The following ALG6 variants were observed in gnomAD, a reference collection of about 807,000 sequenced individuals.
ALG6 encodes the protein ALG6 alpha-1,3-glucosyltransferase, also known as dolichyl pyrophosphate Man9GlcNAc2 alpha-1,3-glucosyltransferase.
In ALG6, 46 loss-of-function variants were observed where a neutral mutation model predicts 66.6. That is an observed-to-expected ratio of 0.69 (90% confidence interval 0.55 to 0.88). The LOEUF is 0.88. ALG6 is among the 40% of genes least tolerant of loss of function. ALG6 has a pLI of 0.00. For synonymous variants in ALG6, 185 were observed against 203.7 expected, an observed-to-expected ratio of 0.91 and a Z score of 0.78; for missense variants, 505 against 586.8, an observed-to-expected ratio of 0.86 and a Z score of 1.44.
intron 2 of ALG6, among the ~76,000 whole-genome samples, chr1:63,372,763 T>G (rs12090841): frequency 0.025 from 3,775 of 151,920 alleles, 120 homozygotes; most frequent in African/African-American, 0.08. Flanking sequence ...AGTTTCAAGC[T>G]ATTCTCCTGC....
intron 12 of ALG6, among the ~76,000 whole-genome samples, chr1:63,423,147 C>T (rs1394382449): frequency 6.6e-6 from 1 of 151,534 alleles, no homozygotes; most frequent in Non-Finnish European, 1.5e-5. Context: ...CATCAGCCTC[C>T]CCAGTAGCTG....
At chr1:63,431,404 A>G (rs2100442994) in intron 14 of ALG6, among the ~76,000 whole-genome samples, 1 of 152,312 alleles carries the variant, frequency 6.6e-6, no homozygotes, top group South Asian at 2.1e-4. Flanking sequence ...GATTCTGCAT[A>G]TCAATTTGTG....
Position 63,371,039 on chromosome 1 carries a change from T to C in ALG6, c.62T>C (p.Val21Ala), listed in dbSNP as rs1441583032. 1 of 1,608,864 alleles carries C rather than the reference T, an allele frequency of 6.2e-7. No individual in the cohort carries two copies. Among genetic ancestry groups the C allele is most frequent in the Admixed American group, 1.7e-5 (1 of 60,020 alleles). ...ATAGGACTAACAGTACGATGGACAG[T>C]GTCTCTTAATTCTTATTCAGGTAAT... ...VLIGLTVRWTVSLNSYSGAGK... is the reference protein window; with the variant it reads ...VLIGLTVRWTASLNSYSGAGK... The change falls in exon 2 of 15, where the codon GTG becomes GCG. Residue 21 changes from valine to alanine, a missense_variant. Val to Ala is a moderately conservative substitution (Grantham distance 64). Transcript: ENST00000263440.
rs770413804 is a variant in ALG6, at chr1:63,396,525, C to T, written c.95C>T (p.Pro32Leu). Residue 32 changes from proline to leucine, a missense_variant, in exon 3 of 15, where the codon CCG becomes CTG. Coordinates refer to ENST00000263440, the MANE Select transcript of ALG6 (RefSeq NM_013339.4). ...SLNSYSGAGK[P>L]PMFGDYEAQR... is the part of the protein sequence containing the mutation. Reference sequence around the variant, plus strand: ...CCTTTGATCTTAGGTGCTGGTAAACCGCCTATGTTTGGTGATTATGAAGCT... The same window carrying T: ...CCTTTGATCTTAGGTGCTGGTAAACTGCCTATGTTTGGTGATTATGAAGCT... 4.5e-5 allele frequency: 72 copies of T among 1,613,676 alleles called. 1 individual carries two copies. The highest frequency in any genetic ancestry group is 1.5e-4 in the African/African-American group (11 of 74,844).
chr1:63,414,053 C>G lies in ALG6; in HGVS notation c.817-8C>G. The G allele has an allele frequency of 5.6e-6, 9 of 1,595,258 alleles. No individual in the cohort carries two copies. The highest frequency in any genetic ancestry group is 6.9e-6 in the Non-Finnish European group (8 of 1,163,450). ...ACCAGAATGTAAAGCTAACAAATCT[C>G]TTTTAAGGATAAAGTAGCCAATATT... On this transcript the variant is annotated splice_polypyrimidine_tract_variant and splice_region_variant and intron_variant, in intron 9 of 14. Transcript: ENST00000263440.
chr1:63,396,834 A>G (rs564285700), intron 3 of ALG6, among the ~76,000 whole-genome samples: 2 of 152,288 alleles, frequency 1.3e-5, no homozygotes, highest in East Asian at 3.9e-4. Flanking sequence ...CGTTGATGAT[A>G]AAACTCTGAA....
intron 12 of ALG6, among the ~76,000 whole-genome samples, chr1:63,422,419 AT>A (rs1557595391): frequency 0.013 from 496 of 37,666 alleles, 63 homozygotes; most frequent in African/African-American, 0.074. Flanking sequence ...ATATAAATAT[AT>A]ATATAAATAT....
chr1:63,436,545 CAG>C (rs1436848755), intron 14 of ALG6, among the ~76,000 whole-genome samples: 1 of 152,102 alleles, frequency 6.6e-6, no homozygotes, highest in Non-Finnish European at 1.5e-5. Flanking sequence ...TATAAGAAGA[CAG>C]GGGTCCTCAG....
chr1:63,431,087 A>G lies in ALG6; in HGVS notation c.1326+1961A>G, dbSNP rs553943016. 1.2e-4 allele frequency among the ~76,000 whole-genome samples: 19 copies of G among 152,206 alleles called. No homozygotes were observed. In the East Asian group the frequency reaches 1.7e-3, roughly 14 times the overall value. On this transcript the variant is annotated intron_variant, in intron 14 of 14. Coordinates refer to ENST00000263440, the MANE Select transcript of ALG6 (RefSeq NM_013339.4). ...TGAGGTAGGAGTCTGACTTTATTCAATTATTTCAGTTCCATTGAATTGTCT... is the reference window on the plus strand; with the variant it reads ...TGAGGTAGGAGTCTGACTTTATTCAGTTATTTCAGTTCCATTGAATTGTCT...
chr1:63,432,729 A>T (rs1013027605), intron 14 of ALG6, among the ~76,000 whole-genome samples: 1 of 152,222 alleles, frequency 6.6e-6, no homozygotes, highest in Non-Finnish European at 1.5e-5. Context: ...GAATAAGTAT[A>T]TAAGCTCCAC....
chr1:63,394,909 AGGCTGGAG>A (rs1648774248), intron 2 of ALG6, among the ~76,000 whole-genome samples: 1 of 148,488 alleles, frequency 6.7e-6, no homozygotes, highest in South Asian at 2.1e-4. Context: ...TCTGTCGCCC[AGGCTGGAG>A]GGCAGTGGTG....
At chr1:63,434,218 A>G (rs554941797) in intron 14 of ALG6, among the ~76,000 whole-genome samples, 16 of 152,328 alleles carry the variant, frequency 1.1e-4, no homozygotes, top group African/African-American at 3.6e-4. Context: ...GGACCAGGGT[A>G]GCAGTGGAAG....
In ALG6 at chr1:63,411,328, A is replaced by T. The variant is rs367881610; in HGVS notation, c.677A>T (p.Lys226Met). The change falls in exon 8 of 15, where the codon AAG (lysine) becomes ATG (methionine). Residue 226 changes from lysine (K) to methionine (M), a missense_variant. By Grantham distance (95) the Lys-to-Met change is moderately conservative (BLOSUM62 -1). Coordinates refer to ENST00000263440, the MANE Select transcript of ALG6 (RefSeq NM_013339.4). ...TGTTTTAAAAAAGGCCTCAAAGGAA[A>T]GGGGTGAGTGACTTTTAAACACTAG... ...GKCFKKGLKGKGFVLLVKLAC... is the reference protein window; with the variant it reads ...GKCFKKGLKGMGFVLLVKLAC... 8 of 1,613,404 alleles carry T rather than the reference A, an allele frequency of 5.0e-6. No homozygotes were observed. Among genetic ancestry groups the T allele is most frequent in the Non-Finnish European group, 6.8e-6 (8 of 1,179,756 alleles).
chr1:63,382,768 C>T (rs564503481), intron 2 of ALG6, among the ~76,000 whole-genome samples: 115 of 149,740 alleles, frequency 7.7e-4, no homozygotes, highest in Non-Finnish European at 1.3e-3. Flanking sequence ...CTCTGCCTCC[C>T]GGGTTCATGC....
In ALG6 at chr1:63,411,918, T is replaced by G. The variant is rs754415021; in HGVS notation, c.681-8T>G. ...CTATCTTACTGCCTACCTTTGTTTTTGTTTTAGGTTTGTGTTGCTAGTTAA... is the reference window on the plus strand; with the variant it reads ...CTATCTTACTGCCTACCTTTGTTTTGGTTTTAGGTTTGTGTTGCTAGTTAA... On this transcript the variant is annotated splice_region_variant and splice_polypyrimidine_tract_variant and intron_variant, in intron 8 of 14. Transcript: ENST00000263440. 5.2e-5 allele frequency: 84 copies of G among 1,613,992 alleles called. No individual in the cohort carries two copies. The highest frequency in any genetic ancestry group is 5.8e-5 in the Non-Finnish European group (68 of 1,179,974).
chr1:63,370,894 C>A lies in ALG6; in HGVS notation c.-84C>A. 1 of 846,286 alleles carries A rather than the reference C, an allele frequency of 1.2e-6. No individual in the cohort carries two copies. Among genetic ancestry groups the A allele is most frequent in the Non-Finnish European group, 2.1e-6 (1 of 480,514 alleles). 52.4% of individuals were successfully genotyped at this position (846,286 alleles called of 1,614,324 possible). On this transcript the variant is annotated 5_prime_UTR_variant, in exon 2 of 15. Transcript: ENST00000263440. Reference sequence around the variant, plus strand: ...CAAGAAGTGATAACATTTCTCTGAACAAGAAAAGAAGTGATTGACCACGTT... The same window carrying A: ...CAAGAAGTGATAACATTTCTCTGAAAAAGAAAAGAAGTGATTGACCACGTT...
chr1:63,393,302 A>G (rs1372521621), intron 2 of ALG6, among the ~76,000 whole-genome samples: 2 of 152,164 alleles, frequency 1.3e-5, no homozygotes, highest in Admixed American at 6.5e-5. Context: ...AATTTTTATT[A>G]TTGTAGGTTA....
chr1:63,422,140 T>TTTATATTTATATAA (rs1644578533), intron 12 of ALG6, among the ~76,000 whole-genome samples: 1 of 55,798 alleles, frequency 1.8e-5, no homozygotes, highest in Non-Finnish European at 3.1e-5. Context: ...AATATATAAA[T>TTTATATTTATATAA]ATATATAAAT....
At chr1:63,381,073 A>G (rs930725127) in intron 2 of ALG6, among the ~76,000 whole-genome samples, 3 of 152,208 alleles carry the variant, frequency 2.0e-5, no homozygotes, top group African/African-American at 7.2e-5. Context: ...TAATCCCAGC[A>G]CTTTGAGAGG....
Sources: gnomAD v4.1 joint callset for allele counts (sites outside exome capture counted in the v4.1 genomes callset) on GRCh38, gnomAD v4.1.1 for gene constraint, MANE v1.5 for transcripts, NCBI Gene and HGNC (gene_info 2026-07-23, HGNC 2026-07-21) for gene names.